The following ITGAM variants were observed in gnomAD, a reference collection of about 807,000 sequenced individuals.
The protein encoded by ITGAM is integrin alpha-M.
Under a neutral mutation model 137.5 loss-of-function variants are expected in ITGAM, and 79 were observed. The observed-to-expected ratio is 0.57, with a 90% CI of 0.48 to 0.69. The LOEUF is 0.69. Among genes scored for constraint, ITGAM ranks in the 30% least tolerant of loss-of-function variants. The pLI is 0.00. For synonymous variants in ITGAM, 583 were observed against 592.3 expected (o/e 0.98, Z 0.23); for missense variants, 1,343 against 1,483.5 (o/e 0.91, Z 1.56).
In ITGAM at chr16:31,324,825, AG is replaced by A. The variant is rs1229776089; in HGVS notation, c.2289+44del. The A allele has an allele frequency of 1.3e-6, 2 of 1,554,338 alleles. No individual in the cohort carries two copies. The highest frequency in any genetic ancestry group is 1.7e-6 in the Non-Finnish European group (2 of 1,152,764). ...GTCCTGCAGGGGTGTGGAAGAGACC[AG>A]AGACCAAGGTGGTTGAAACTCATTT... On this transcript the variant is annotated intron_variant, in intron 18 of 29. Coordinates refer to ENST00000544665, the MANE Select transcript of ITGAM (RefSeq NM_000632.4). The surrounding 1 kb of genome is among the most constrained non-coding windows in gnomAD (Gnocchi z 4.5).
Position 31,330,342 on chromosome 16 carries a change from G to A in ITGAM, c.3095G>A (p.Cys1032Tyr). 4.3e-6 allele frequency: 7 copies of A among 1,614,026 alleles called. No individual in the cohort carries two copies. The highest frequency in any genetic ancestry group is 5.9e-6 in the Non-Finnish European group (7 of 1,179,860). The change falls in exon 27 of 30, where the codon TGT becomes TAT. Residue 1032 changes from cysteine (C) to tyrosine (Y), a missense_variant. Cys to Tyr is a radical substitution (Grantham distance 194). Coordinates refer to ENST00000544665, the MANE Select transcript of ITGAM (RefSeq NM_000632.4). ...ATCGCTGTCTGCCAGAGAATCCAGT[G>A]TGACATCCCGTTCTTTGGCATCCAG... ...CSIAVCQRIQ[C>Y]DIPFFGIQEE...
intron 7 of ITGAM, 40 bp from the exon 8 acceptor site, chr16:31,273,325 C>T: frequency 1.9e-6 from 3 of 1,543,780 alleles, no homozygotes; most frequent in African/African-American, 2.8e-5. Context: ...AGTGTGTCAT[C>T]TACTTGCATT....
chr16:31,330,886 T>G (rs117252878), intron 28 of ITGAM, among the ~76,000 whole-genome samples: 19 of 132,870 alleles, frequency 1.4e-4, no homozygotes, highest in South Asian at 4.9e-4. Context: ...GACAGAGAGA[T>G]AGAGATAAAG....
chr16:31,303,044 A>AT (rs2080231745), intron 14 of ITGAM, among the ~76,000 whole-genome samples: 2 of 85,742 alleles, frequency 2.3e-5, no homozygotes. Flanking sequence ...CTCTCTTTTT[A>AT]TTTTTTTGAG....
In ITGAM at chr16:31,331,217, T is replaced by C; in HGVS notation, c.3329T>C (p.Val1110Ala). ...GTCCCCAACCCCCTGCCGCTCATCG[T>C]GGGCAGCTCTGTCGGGGGACTGCTG... is the stretch of plus-strand genomic sequence containing the variant. ...FEVPNPLPLI[V>A]GSSVGGLLLL... Residue 1110 changes from valine to alanine, a missense_variant, in exon 29 of 30, where the codon GTG becomes GCG. By Grantham distance (64) the Val-to-Ala change is moderately conservative. Coordinates refer to ENST00000544665, the MANE Select transcript of ITGAM (RefSeq NM_000632.4). 1.2e-6 allele frequency: 2 copies of C among 1,613,478 alleles called. No homozygotes were observed. Among genetic ancestry groups the C allele is most frequent in the East Asian group, 4.5e-5 (2 of 44,840 alleles).
rs527414361 is a variant in ITGAM, at chr16:31,324,357, G to A, written c.2003-42G>A. On this transcript the variant is annotated intron_variant, in intron 16 of 29. Coordinates refer to ENST00000544665, the MANE Select transcript of ITGAM (RefSeq NM_000632.4). This position sits in a 1 kb window ranked among gnomAD's most constrained non-coding sequence, Gnocchi z 4.5. ...CTTGAACTCCCATCTGCCGGGTTCC[G>A]AGGCTCAGGCCCCTCACTGCTGTGC... 9 of 1,535,866 alleles carry A rather than the reference G, an allele frequency of 5.9e-6. No homozygotes were observed. In the East Asian group the frequency reaches 1.5e-4, roughly 25 times the overall value.
chr16:31,329,281 G>A lies in ITGAM; in HGVS notation c.2846G>A (p.Arg949Gln), dbSNP rs1168842622. Residue 949 changes from arginine to glutamine, a missense_variant, in exon 24 of 30, where the codon CGG becomes CAG. Physicochemically the swap from Arg to Gln is conservative, Grantham distance 43. Transcript: ENST00000544665. ...TTCACGGCCTCAGAGAATACCAGTC[G>A]GGTCATGCAGCATCAATATCAGGTG... is the stretch of plus-strand genomic sequence containing the variant. ...LNFTASENTS[R>Q]VMQHQYQVSN... is the part of the protein sequence containing the mutation. 7 of 1,612,600 alleles carry A rather than the reference G, an allele frequency of 4.3e-6. No individual in the cohort carries two copies. Among genetic ancestry groups the A allele is most frequent in the Admixed American group, 1.7e-5 (1 of 59,948 alleles).
At chr16:31,274,693 C>A (rs9923357) in intron 8 of ITGAM, among the ~76,000 whole-genome samples, 27,886 of 151,874 alleles carry the variant, frequency 0.18, 3,329 homozygotes, top group African/African-American at 0.33. Flanking sequence ...TGGCTCACTG[C>A]AACCTCCACC....
rs1053048627 is a variant in ITGAM, at chr16:31,265,937, A to G, written c.309+56A>G. ...AATGGGGGTGTTTGGGGGCCCACGC[A>G]TGGTGGGGCTGGGGGTCTTGTGGAG... On this transcript the variant is annotated intron_variant, in intron 4 of 29. Coordinates refer to ENST00000544665, the MANE Select transcript of ITGAM (RefSeq NM_000632.4). 95 of 1,594,946 alleles carry G rather than the reference A, an allele frequency of 6.0e-5. No homozygotes were observed. In the African/African-American group the frequency reaches 7.9e-4, roughly 13 times the overall value.
intron 12 of ITGAM, among the ~76,000 whole-genome samples, chr16:31,288,024 G>A (rs1182874911): frequency 6.6e-6 from 1 of 152,122 alleles, no homozygotes; most frequent in African/African-American, 2.4e-5. Flanking sequence ...GAGAGCAAAT[G>A]GGAGGGGCAC....
intron 14 of ITGAM, among the ~76,000 whole-genome samples, chr16:31,300,860 C>T (rs1213070168): frequency 1.3e-5 from 2 of 152,022 alleles, no homozygotes; most frequent in African/African-American, 4.8e-5. Context: ...TGCAGTGAGC[C>T]GAGATTGTGC....
chr16:31,260,101 G>T lies in ITGAM; in HGVS notation c.28+9G>T. 6.4e-7 allele frequency: 1 copy of T among 1,562,784 alleles called. No homozygotes were observed. The highest frequency in any genetic ancestry group is 1.8e-4 in the Middle Eastern group (1 of 5,646). On this transcript the variant is annotated intron_variant, in intron 1 of 29. Transcript: ENST00000544665. ...AGTCCTTCTGTTAACAGGTGCATGG[G>T]GGTGGGGTGGGGGACTCTGGGTGGG...
At chr16:31,308,051 A>G (rs2080283556) in intron 14 of ITGAM, among the ~76,000 whole-genome samples, 2 of 152,062 alleles carry the variant, frequency 1.3e-5, no homozygotes, top group Admixed American at 6.6e-5. Context: ...TCGGTTTGCC[A>G]GTATTTTATT....
Position 31,270,969 on chromosome 16 carries a change from A to T in ITGAM, c.443A>T (p.Asp148Val). Residue 148 changes from aspartate (D) to valine (V), a missense_variant, in exon 6 of 30, where the codon GAT becomes GTT. Transcript: ENST00000544665. Reference protein sequence around the residue: ...PEALRGCPQEDSDIAFLIDGS... With the variant: ...PEALRGCPQEVSDIAFLIDGS... Reference sequence around the variant, plus strand: ...CCTTCCCCAGGGTGTCCTCAAGAGGATAGTGACATTGCCTTCTTGATTGAT... The same window carrying T: ...CCTTCCCCAGGGTGTCCTCAAGAGGTTAGTGACATTGCCTTCTTGATTGAT... The T allele has an allele frequency of 1.3e-6, 2 of 1,572,172 alleles. No homozygotes were observed. Among genetic ancestry groups the T allele is most frequent in the Non-Finnish European group, 1.7e-6 (2 of 1,155,396 alleles).
In ITGAM at chr16:31,266,062, T is replaced by C; in HGVS notation, c.342T>C (p.Ser114=). 6.2e-7 allele frequency: 1 copy of C among 1,613,786 alleles called. No homozygotes were observed. Residue 114 remains serine (S), a synonymous_variant, in exon 5 of 30, where the codon AGT becomes AGC. Coordinates refer to ENST00000544665, the MANE Select transcript of ITGAM (RefSeq NM_000632.4). ...ACGPTVHQTC[S]ENTYVKGLCF... ...GTCCCACCGTGCACCAGACTTGCAG[T>C]GAGAACACGTATGTGAAAGGGCTCT...
intron 12 of ITGAM, among the ~76,000 whole-genome samples, chr16:31,286,631 G>C (rs558890018): frequency 6.6e-6 from 1 of 152,160 alleles, no homozygotes; most frequent in African/African-American, 2.4e-5. Flanking sequence ...ATGTTTTTTG[G>C]CTACTTGTAT....
Position 31,331,923 on chromosome 16 carries a change from G to C in ITGAM, c.*216G>C. The C allele has an allele frequency of 1.8e-6, 1 of 564,418 alleles. No homozygotes were observed. The highest frequency in any genetic ancestry group is 2.2e-5 in the South Asian group (1 of 46,148). The allele number at this position is 564,418 out of a possible 1,614,324, so 35.0% of individuals were successfully genotyped here. A position where few individuals can be genotyped will look rare whatever the true frequency, so the allele number is the denominator to read the frequency against. On this transcript the variant is annotated 3_prime_UTR_variant, in exon 30 of 30. Transcript: ENST00000544665. ...TGTGCGTGTGCGTGCATGTGCACTT[G>C]CACGCCCATGTGTGAGTGTGTGCAA...
intron 1 of ITGAM, among the ~76,000 whole-genome samples, chr16:31,261,305 C>A (rs988170021): frequency 2.7e-5 from 4 of 149,578 alleles, no homozygotes; most frequent in African/African-American, 4.9e-5. Context: ...TGGGTTCAAG[C>A]AATCCTCCCA....
chr16:31,321,592 A>G lies in ITGAM; in HGVS notation c.1967A>G (p.His656Arg). Residue 656 changes from histidine (H) to arginine (R), a missense_variant, in exon 16 of 30, where the codon CAT becomes CGT. Coordinates refer to ENST00000544665, the MANE Select transcript of ITGAM (RefSeq NM_000632.4). ...KEAGEVRVCL[H>R]VQKSTRDRLR... is the part of the protein sequence containing the mutation. ...GCCGGAGAGGTCAGAGTCTGCCTCC[A>G]TGTCCAGAAGAGCACACGGGATCGG... 6.2e-7 allele frequency: 1 copy of G among 1,613,660 alleles called. No individual in the cohort carries two copies. The highest frequency in any genetic ancestry group is 8.5e-7 in the Non-Finnish European group (1 of 1,179,736).
Sources: allele counts gnomAD v4.1 joint callset (sites outside exome capture counted in the v4.1 genomes callset), GRCh38; gene constraint gnomAD v4.1.1; non-coding constraint Gnocchi (gnomAD v3.1); transcripts MANE v1.5; gene names NCBI Gene and HGNC (gene_info 2026-07-23, HGNC 2026-07-21).